The following CNTNAP5 variants were observed in gnomAD, a reference collection of about 807,000 sequenced individuals.
CNTNAP5 encodes contactin-associated protein-like 5.
Under a neutral mutation model 150.2 loss-of-function variants are expected in CNTNAP5, and 72 were observed. The ratio of observed to expected loss-of-function variants is 0.48; its 90% CI spans 0.40 to 0.58. The LOEUF is 0.58. Ranked by LOEUF, CNTNAP5 falls within the 20% of genes least tolerant of loss-of-function variation. The probability of loss-of-function intolerance (pLI) is 0.00; values close to 1 mark genes in which losing one functional copy is unlikely to be tolerated. For missense variants in CNTNAP5, 1,636 were observed against 1,626.2 expected (o/e 1.01, Z -0.10); for synonymous variants, 672 against 619.8 (o/e 1.08, Z -1.25).
chr2:124,842,029 C>A (rs761709483), intron 19 of CNTNAP5, among the ~76,000 whole-genome samples: 1 of 152,074 alleles, frequency 6.6e-6, no homozygotes, highest in African/African-American at 2.4e-5. Flanking sequence ...AAGTGTCATG[C>A]TCAAAAGCAT....
chr2:124,777,232 TTGAAAAAACATTGG>T (rs955705864), intron 17 of CNTNAP5, among the ~76,000 whole-genome samples: 2 of 152,162 alleles, frequency 1.3e-5, no homozygotes, highest in African/African-American at 4.8e-5. Context: ...TTGAAAATGT[TTGAAAAAACATTGG>T]TTCTGTTTTT....
chr2:124,878,116 C>T (rs1019524050), intron 21 of CNTNAP5, among the ~76,000 whole-genome samples: 1 of 151,980 alleles, frequency 6.6e-6, no homozygotes, highest in African/African-American at 2.4e-5. Flanking sequence ...ATGCACAGTT[C>T]ATTTTTCTGC....
At chr2:124,197,272 T>C (rs1203486550) in intron 1 of CNTNAP5, among the ~76,000 whole-genome samples, 1 of 152,222 alleles carries the variant, frequency 6.6e-6, no homozygotes, top group African/African-American at 2.4e-5. Context: ...TTTTGTGTTA[T>C]TAATCCTTTG....
At chr2:124,046,385 C>T (rs1681535300) in intron 1 of CNTNAP5, among the ~76,000 whole-genome samples, 1 of 147,864 alleles carries the variant, frequency 6.8e-6, no homozygotes, top group African/African-American at 2.5e-5. Flanking sequence ...CAGAGCCTTT[C>T]CCTTTGTCCT....
At chr2:124,228,536 A>C (rs1240488301) in intron 2 of CNTNAP5, among the ~76,000 whole-genome samples, 3 of 152,146 alleles carry the variant, frequency 2.0e-5, no homozygotes, top group Non-Finnish European at 4.4e-5. Context: ...AGCATGTGAC[A>C]ACTTCACAGT....
chr2:124,492,944 A>AT lies in CNTNAP5; in HGVS notation c.1063-11342dup, dbSNP rs112699620. On this transcript the variant is annotated intron_variant, in intron 7 of 23. Transcript: ENST00000682447. ...GATAATTTACTTCTTTCTGATTTGGATTTTTTAATAATTTTACTTTTTCTT... is the reference window on the plus strand; with the variant it reads ...GATAATTTACTTCTTTCTGATTTGGATTTTTTTAATAATTTTACTTTTTCTT... 2.9e-3 allele frequency among the ~76,000 whole-genome samples: 440 copies of AT among 152,132 alleles called. 2 individuals are homozygous for AT. The highest frequency in any genetic ancestry group is 0.01 in the African/African-American group (422 of 41,524).
chr2:124,565,889 A>G (rs189751728), intron 11 of CNTNAP5, among the ~76,000 whole-genome samples: 1,665 of 150,630 alleles, frequency 0.011, 17 homozygotes, highest in Middle Eastern at 0.032. Context: ...GTGAGCCACC[A>G]CGCCCGGCCT....
At chr2:124,627,460 A>G (rs890440178) in intron 12 of CNTNAP5, among the ~76,000 whole-genome samples, 3 of 151,774 alleles carry the variant, frequency 2.0e-5, no homozygotes, top group Non-Finnish European at 4.4e-5. Flanking sequence ...CCAGCAAACC[A>G]CAGCAGACCT....
At chr2:124,049,200 C>T (rs911378964) in intron 1 of CNTNAP5, among the ~76,000 whole-genome samples, 1 of 152,112 alleles carries the variant, frequency 6.6e-6, no homozygotes, top group South Asian at 2.1e-4. Context: ...GAGTTTTTGT[C>T]CTTTTATTCC....
At position 124,288,124 on chromosome 2, in the gene CNTNAP5, C is replaced by T. The variant is rs553436938; in HGVS notation, c.381+45731C>T. ...TATTCTTTTTTCATATAGACAAGGA[C>T]TCACCATGTTTCCCAGACTAGTCTT... On this transcript the variant is annotated intron_variant, in intron 3 of 23. Coordinates refer to ENST00000682447, the MANE Select transcript of CNTNAP5 (RefSeq NM_001367498.1). 5.9e-5 allele frequency among the ~76,000 whole-genome samples: 9 copies of T among 152,216 alleles called. No individual in the cohort carries two copies. In the South Asian group the frequency reaches 1.9e-3, roughly 32 times the overall value.
rs907394454 is a variant in CNTNAP5, at chr2:124,118,536, C to T, written c.82+92804C>T. On this transcript the variant is annotated intron_variant, in intron 1 of 23. Transcript: ENST00000682447. ...GTGTACACCATCATGACCCAATCTG[C>T]GTGTGGGAATTCTGAGCTCTTGAGA... Among the ~76,000 whole-genome samples, 18 of 152,088 alleles carry T rather than the reference C, an allele frequency of 1.2e-4. No individual in the cohort carries two copies. The East Asian group carries it at 2.9e-3, about 24-fold the overall frequency.
At chr2:124,299,793 A>G (rs1442958149) in intron 3 of CNTNAP5, among the ~76,000 whole-genome samples, 1 of 152,182 alleles carries the variant, frequency 6.6e-6, no homozygotes, top group Non-Finnish European at 1.5e-5. Flanking sequence ...TTATAATTGG[A>G]TGTGGATGAG....
intron 19 of CNTNAP5, 23 bp downstream of exon 19, chr2:124,798,343 C>T (rs751083057): frequency 6.4e-7 from 1 of 1,553,350 alleles, no homozygotes; most frequent in African/African-American, 1.4e-5. Flanking sequence ...GCATGATACC[C>T]AGCGGAGTCT....
chr2:124,421,658 G>C (rs182876826), intron 4 of CNTNAP5, among the ~76,000 whole-genome samples: 1 of 152,250 alleles, frequency 6.6e-6, no homozygotes, highest in Admixed American at 6.5e-5. Context: ...TCTTTATAAA[G>C]AAGGAATGAA....
At chr2:124,905,052 AAAAG>A (rs1266466551) in intron 22 of CNTNAP5, among the ~76,000 whole-genome samples, 16 of 148,212 alleles carry the variant, frequency 1.1e-4, no homozygotes, top group Non-Finnish European at 1.3e-4. Context: ...AAAAAAAAAA[AAAAG>A]AAAGAAAGAA....
intron 10 of CNTNAP5, among the ~76,000 whole-genome samples, chr2:124,537,666 C>T (rs1167714664): frequency 6.6e-6 from 1 of 152,146 alleles, no homozygotes; most frequent in Non-Finnish European, 1.5e-5. Context: ...ATGAGGGTTT[C>T]CTTCCCCCAT....
chr2:124,162,352 T>C (rs1684701235), intron 1 of CNTNAP5, among the ~76,000 whole-genome samples: 1 of 152,148 alleles, frequency 6.6e-6, no homozygotes, highest in South Asian at 2.1e-4. Context: ...GTAAAAAAAT[T>C]ATGAGGCAGA....
chr2:124,735,823 G>T (rs974593384), intron 13 of CNTNAP5, among the ~76,000 whole-genome samples: 1 of 152,138 alleles, frequency 6.6e-6, no homozygotes, highest in Non-Finnish European at 1.5e-5. Flanking sequence ...TCACAGCTTT[G>T]TTGAGAGGGT....
At chr2:124,387,072 G>A (rs1690947959) in intron 3 of CNTNAP5, among the ~76,000 whole-genome samples, 1 of 152,174 alleles carries the variant, frequency 6.6e-6, no homozygotes, top group Non-Finnish European at 1.5e-5. Flanking sequence ...ATCTCAGATT[G>A]CCAATGTCCA....
Sources: allele counts gnomAD v4.1 joint callset (sites outside exome capture counted in the v4.1 genomes callset), GRCh38; gene constraint gnomAD v4.1.1; transcripts MANE v1.5; gene names NCBI Gene and HGNC (gene_info 2026-07-23, HGNC 2026-07-21).